NOTCH2: variants seen among roughly 807,000 people sequenced by gnomAD.
The protein encoded by NOTCH2 is notch receptor 2.
In NOTCH2, 29 loss-of-function variants were observed where a neutral mutation model predicts 235.8. The observed-to-expected ratio is 0.12, with a 90% CI of 0.09 to 0.17. NOTCH2 has a LOEUF of 0.17. Ranked by LOEUF, NOTCH2 falls within the 10% of genes least tolerant of loss-of-function variation. NOTCH2 has a pLI of 1.00. For synonymous variants in NOTCH2, 1,086 were observed against 1,141.5 expected (o/e 0.95, Z 0.98); for missense variants, 2,285 against 3,150.2 (o/e 0.73, Z 6.57).
At position 119,913,681 on chromosome 1, in the gene NOTCH2, G is replaced by C; in HGVS notation, c.*1625C>G. On this transcript the variant is annotated 3_prime_UTR_variant, in exon 34 of 34. Coordinates refer to ENST00000256646, the MANE Select transcript of NOTCH2 (RefSeq NM_024408.4). Reference sequence around the variant, plus strand: ...ATACAGAGAGTGGATTCAGGTGAGGGGCAATCAGTCTGAACAATGAGCAAG... The same window carrying C: ...ATACAGAGAGTGGATTCAGGTGAGGCGCAATCAGTCTGAACAATGAGCAAG... The C allele has an allele frequency of 4.3e-6, 1 of 233,114 alleles. No individual in the cohort carries two copies. The highest frequency in any genetic ancestry group is 6.0e-5 in the East Asian group (1 of 16,590). 14.4% of individuals were successfully genotyped at this position (233,114 alleles called of 1,614,324 possible). A position where few individuals can be genotyped will look rare whatever the true frequency, so the allele number is the denominator to read the frequency against.
At chr1:120,063,841 G>C (rs1553216626) in intron 1 of NOTCH2, among the ~76,000 whole-genome samples, 2 of 152,188 alleles carry the variant, frequency 1.3e-5, no homozygotes, top group Admixed American at 6.5e-5. Flanking sequence ...GAGAACACCT[G>C]AGCTATTCTT....
At position 119,969,561 on chromosome 1, in the gene NOTCH2, C is replaced by T. The variant is rs2101148133; in HGVS notation, c.1058G>A (p.Cys353Tyr). The change falls in exon 6 of 34, where the codon TGC (cysteine) becomes TAC (tyrosine). Residue 353 changes from cysteine (C) to tyrosine (Y), a missense_variant. Cys to Tyr is a radical substitution (Grantham distance 194, BLOSUM62 -2). Coordinates refer to ENST00000256646, the MANE Select transcript of NOTCH2 (RefSeq NM_024408.4). ...AGAGAAGGAGGCCACACGGTCGATGCAGGTGGAGCCTGGAGTACAGGAGGC... is the reference window on the plus strand; with the variant it reads ...AGAGAAGGAGGCCACACGGTCGATGTAGGTGGAGCCTGGAGTACAGGAGGC... ...AFASCTPGST[C>Y]IDRVASFSCM... The T allele has an allele frequency of 6.2e-7, 1 of 1,614,050 alleles. No individual in the cohort carries two copies. Among genetic ancestry groups the T allele is most frequent in the Non-Finnish European group, 8.5e-7 (1 of 1,179,980 alleles).
At chr1:119,967,732 A>G (rs1432649434) in intron 7 of NOTCH2, 111 bp from the exon 8 acceptor site, 6 of 912,304 alleles carry the variant, frequency 6.6e-6, no homozygotes, top group African/African-American at 3.3e-5. Context: ...CTTCAATAAT[A>G]TCATTCCCAA....
At chr1:119,945,715 TA>T (rs1484885613) in intron 17 of NOTCH2, among the ~76,000 whole-genome samples, 10 of 152,134 alleles carry the variant, frequency 6.6e-5, no homozygotes, top group African/African-American at 2.4e-4. Context: ...CAAAATTCAT[TA>T]AGCCAAAACA....
chr1:119,969,488 A>G, intron 6 of NOTCH2, 23 bp downstream of exon 6: 1 of 1,606,330 alleles, frequency 6.2e-7, no homozygotes, highest in Non-Finnish European at 8.5e-7. Flanking sequence ...CCCTGTTTCT[A>G]GATCCGTCCT....
In NOTCH2 at chr1:119,940,668, G is replaced by A. The variant is rs1301792904; in HGVS notation, c.3070C>T (p.His1024Tyr). The A allele has an allele frequency of 6.2e-7, 1 of 1,614,012 alleles. No homozygotes were observed. The highest frequency in any genetic ancestry group is 8.5e-7 in the Non-Finnish European group (1 of 1,180,000). Residue 1024 changes from histidine to tyrosine, a missense_variant, in exon 19 of 34, where the codon CAT becomes TAT. Transcript: ENST00000256646. ...PVGFTGSFCL[H>Y]EINECSSHPC... Reference sequence around the variant, plus strand: ...TGAGAGCTGCATTCATTGATCTCATGGAGGCAGAAGGATCCAGTGAAACCC... The same window carrying A: ...TGAGAGCTGCATTCATTGATCTCATAGAGGCAGAAGGATCCAGTGAAACCC...
Position 119,997,137 on chromosome 1 carries a change from G to A in NOTCH2, c.611C>T (p.Ser204Phe), listed in dbSNP as rs782771860. 2 of 1,613,910 alleles carry A rather than the reference G, an allele frequency of 1.2e-6. No homozygotes were observed. The highest frequency in any genetic ancestry group is 2.7e-5 in the African/African-American group (2 of 74,946). The change falls in exon 4 of 34, where the codon TCC (serine) becomes TTC (phenylalanine). Residue 204 changes from serine to phenylalanine, a missense_variant. Transcript: ENST00000256646. ...HGGTCLNLPG[S>F]YQCQCPQGFT... is the part of the protein sequence containing the mutation. Reference sequence around the variant, plus strand: ...GCCCTGAGGGCACTGGCACTGGTAGGAACCAGGCAGGTTGAGGCAGGTGCC... The same window carrying A: ...GCCCTGAGGGCACTGGCACTGGTAGAAACCAGGCAGGTTGAGGCAGGTGCC...
chr1:119,965,414 T>C, intron 10 of NOTCH2, 39 bp downstream of exon 10: 1 of 1,481,350 alleles, frequency 6.8e-7, no homozygotes. Flanking sequence ...TTTGTTCAGA[T>C]GGACCTACCA....
At chr1:120,042,556 T>C (rs1462237264) in intron 1 of NOTCH2, among the ~76,000 whole-genome samples, 1 of 135,624 alleles carries the variant, frequency 7.4e-6, no homozygotes, top group Non-Finnish European at 1.5e-5. Flanking sequence ...GGAAAACCAG[T>C]ATAAAAGCAA....
chr1:120,009,178 G>A (rs1445662266), intron 2 of NOTCH2, among the ~76,000 whole-genome samples: 1 of 152,088 alleles, frequency 6.6e-6, no homozygotes. Flanking sequence ...ATCTGGAGCA[G>A]CAGAAAATAG....
chr1:119,915,592 G>A lies in NOTCH2; in HGVS notation c.7130C>T (p.Pro2377Leu), dbSNP rs367757908. The A allele has an allele frequency of 2.7e-5, 43 of 1,613,914 alleles. No individual in the cohort carries two copies. The highest frequency in any genetic ancestry group is 3.6e-5 in the Non-Finnish European group (42 of 1,180,040). ...TGTGGGGTACTTGCCCACAGAGGCT[G>A]GGAAAGGATGATAGGCTGGGAGAAT... ...QTILPAYHPF[P>L]ASVGKYPTPP... The change falls in exon 34 of 34, where the codon CCA becomes CTA. Residue 2377 changes from proline to leucine, a missense_variant. This residue lies in a region of NOTCH2 where 504 missense variants were observed against 538.0 expected (regional missense o/e 0.94). Transcript: ENST00000256646.
intron 5 of NOTCH2, among the ~76,000 whole-genome samples, chr1:119,975,304 A>T (rs192351310): frequency 6.3e-4 from 96 of 152,230 alleles, no homozygotes; most frequent in South Asian, 1.9e-3. Flanking sequence ...CTCCATGCTG[A>T]TCTTTTCTTG....
At chr1:119,932,505 C>T (rs1253867205) in intron 22 of NOTCH2, among the ~76,000 whole-genome samples, 5 of 152,030 alleles carry the variant, frequency 3.3e-5, no homozygotes, top group African/African-American at 9.7e-5. Flanking sequence ...GAAAATCACT[C>T]GAACCCAGGA....
chr1:119,948,805 G>A lies in NOTCH2; in HGVS notation c.2599+202C>T, dbSNP rs143351065. Reference sequence around the variant, plus strand: ...AGGCTTAGGTTGCAGCCTTCCAGCCGCTAGGGGGCCCCGAAGACAAGGACA... The same window carrying A: ...AGGCTTAGGTTGCAGCCTTCCAGCCACTAGGGGGCCCCGAAGACAAGGACA... On this transcript the variant is annotated intron_variant, in intron 16 of 33. Coordinates refer to ENST00000256646, the MANE Select transcript of NOTCH2 (RefSeq NM_024408.4). 2.3e-3 allele frequency among the ~76,000 whole-genome samples: 356 copies of A among 152,230 alleles called. 5 individuals carry two copies. Among genetic ancestry groups the A allele is most frequent in the African/African-American group, 8.2e-3 (340 of 41,538 alleles).
At chr1:119,960,785 C>T (rs781938555) in intron 11 of NOTCH2, among the ~76,000 whole-genome samples, 1 of 152,006 alleles carries the variant, frequency 6.6e-6, no homozygotes, top group Admixed American at 6.6e-5. Flanking sequence ...GCTATCCCCC[C>T]ACCTCAGCCT....
intron 12 of NOTCH2, among the ~76,000 whole-genome samples, chr1:119,958,033 A>G (rs1183996604): frequency 6.6e-6 from 1 of 152,176 alleles, no homozygotes; most frequent in African/African-American, 2.4e-5. Context: ...GGTATTCTCA[A>G]CGTCGGTGAC....
At chr1:120,017,275 G>T (rs1553208248) in intron 2 of NOTCH2, among the ~76,000 whole-genome samples, 1 of 144,368 alleles carries the variant, frequency 6.9e-6, no homozygotes, top group African/African-American at 2.6e-5. Context: ...TGTTCAGTCA[G>T]CCCAAAATGC....
At chr1:119,949,275 C>A (rs61789711) in intron 15 of NOTCH2, 149 bp from the exon 16 acceptor site, 1 of 816,376 alleles carries the variant, frequency 1.2e-6, no homozygotes, top group South Asian at 1.5e-5. Flanking sequence ...CCAGCATTGG[C>A]TCTGATATTG....
chr1:119,921,924 T>C, intron 28 of NOTCH2, 115 bp from the exon 29 acceptor site: 1 of 920,510 alleles, frequency 1.1e-6, no homozygotes, highest in Middle Eastern at 3.0e-4. Context: ...TTGCAGGGTC[T>C]TGGCCCAGAG....
Sources: gnomAD v4.1 joint callset for allele counts (sites outside exome capture counted in the v4.1 genomes callset) on GRCh38, gnomAD v4.1.1 for gene constraint, gnomAD v4.1.1 regional missense constraint, MANE v1.5 for transcripts, NCBI Gene and HGNC (gene_info 2026-07-23, HGNC 2026-07-21) for gene names.